Variants in NRXN1 observed in about 807,000 individuals in gnomAD.
The protein encoded by NRXN1 is neurexin-1.
NRXN1 carries 39 observed loss-of-function variants against 150.9 expected under a neutral mutation model. That is an observed-to-expected ratio of 0.26 (90% confidence interval 0.20 to 0.34). The LOEUF is 0.34. Ranked by LOEUF, NRXN1 falls within the 10% of genes least tolerant of loss-of-function variation. NRXN1 has a pLI of 1.00. For synonymous variants in NRXN1, 924 were observed against 757.0 expected (o/e 1.22, Z -3.62); for missense variants, 1,815 against 1,949.9 (o/e 0.93, Z 1.30).
chr2:50,754,998 T>C lies in NRXN1; in HGVS notation c.833-131383A>G, dbSNP rs188946260. Among the ~76,000 whole-genome samples, 13 of 151,958 alleles carry C rather than the reference T, an allele frequency of 8.6e-5. No individual in the cohort carries two copies. The East Asian group carries it at 2.5e-3, about 30-fold the overall frequency. ...TTGCACCAGTTAATGTTCACTAGTA[T>C]CTCCCATTGATGTAGATTAACCATT... On this transcript the variant is annotated intron_variant, in intron 5 of 22. Coordinates refer to ENST00000401669, the MANE Select transcript of NRXN1 (RefSeq NM_001330078.2).
At chr2:50,283,723 T>G (rs1170317252) in intron 17 of NRXN1, among the ~76,000 whole-genome samples, 1 of 152,118 alleles carries the variant, frequency 6.6e-6, no homozygotes, top group Non-Finnish European at 1.5e-5. Flanking sequence ...GTAACCAGGT[T>G]TTATGATTTA....
chr2:49,974,313 C>T (rs1389285119), intron 21 of NRXN1: 1 of 487,562 alleles, frequency 2.1e-6, no homozygotes. Context: ...ACAGCCCAGC[C>T]CGGCACCACT....
chr2:50,753,319 C>T (rs1487697133), intron 5 of NRXN1, among the ~76,000 whole-genome samples: 1 of 151,884 alleles, frequency 6.6e-6, no homozygotes, highest in Admixed American at 6.6e-5. Flanking sequence ...TGGAGAGGAA[C>T]AGGTTTTCAG....
At chr2:50,680,001 G>T (rs1403892571) in intron 5 of NRXN1, among the ~76,000 whole-genome samples, 1 of 151,700 alleles carries the variant, frequency 6.6e-6, no homozygotes, top group Non-Finnish European at 1.5e-5. Flanking sequence ...GCATAGTGGT[G>T]TGCGCCTGTA....
chr2:50,795,929 A>T (rs1159718066), intron 5 of NRXN1, among the ~76,000 whole-genome samples: 1 of 151,984 alleles, frequency 6.6e-6, no homozygotes, highest in Non-Finnish European at 1.5e-5. Context: ...TAATGTACTG[A>T]GTCAGGGGCT....
At chr2:50,022,053 G>A (rs1687654031) in intron 21 of NRXN1, among the ~76,000 whole-genome samples, 1 of 152,014 alleles carries the variant, frequency 6.6e-6, no homozygotes, top group Non-Finnish European at 1.5e-5. Context: ...ATTTCACCGT[G>A]TTAGCCAGGA....
At chr2:50,973,775 A>G (rs1695392741) in intron 2 of NRXN1, among the ~76,000 whole-genome samples, 1 of 152,146 alleles carries the variant, frequency 6.6e-6, no homozygotes, top group Non-Finnish European at 1.5e-5. Context: ...GTATCACAGA[A>G]GTTAATTTTT....
At chr2:50,831,686 T>C (rs1395321193) in intron 5 of NRXN1, among the ~76,000 whole-genome samples, 1 of 152,244 alleles carries the variant, frequency 6.6e-6, no homozygotes, top group Non-Finnish European at 1.5e-5. Context: ...TTTTAAAACA[T>C]GGACGTTACA....
At chr2:50,717,912 CA>C (rs1392377688) in intron 5 of NRXN1, among the ~76,000 whole-genome samples, 2 of 152,142 alleles carry the variant, frequency 1.3e-5, no homozygotes, top group Non-Finnish European at 2.9e-5. Context: ...ATGATCGAAT[CA>C]CCTACTAAAG....
At chr2:50,214,484 G>T (rs1297825138) in intron 18 of NRXN1, among the ~76,000 whole-genome samples, 1 of 151,808 alleles carries the variant, frequency 6.6e-6, no homozygotes, top group Non-Finnish European at 1.5e-5. Context: ...TTTTGTCCAG[G>T]TAGAGACTGA....
rs1345644196 is a variant in NRXN1, at chr2:50,055,016, A to G, written c.3747T>C (p.Ile1249=). The part of the protein sequence containing the change: ...AGNNDNERLA[I]ARQRIPYRLG... Reference sequence around the variant, plus strand: ...GTCGATATGGAATTCGCTGTCTAGCAATCGCCAGGCGCTCGTTATCATTGT... The same window carrying G: ...GTCGATATGGAATTCGCTGTCTAGCGATCGCCAGGCGCTCGTTATCATTGT... The change falls in exon 20 of 23, where the codon ATT becomes ATC. Residue 1249 remains isoleucine (I), a synonymous_variant. Transcript: ENST00000401669. 1 of 1,602,036 alleles carries G rather than the reference A, an allele frequency of 6.2e-7. No individual in the cohort carries two copies. The highest frequency in any genetic ancestry group is 8.5e-7 in the Non-Finnish European group (1 of 1,175,452).
At chr2:50,429,671 A>C (rs2104355176) in intron 17 of NRXN1, among the ~76,000 whole-genome samples, 1 of 152,306 alleles carries the variant, frequency 6.6e-6, no homozygotes, top group East Asian at 1.9e-4. Flanking sequence ...TTTTACAAAA[A>C]AATCCTACTG....
At chr2:50,104,646 T>C (rs1701404473) in intron 18 of NRXN1, among the ~76,000 whole-genome samples, 2 of 152,102 alleles carry the variant, frequency 1.3e-5, no homozygotes, top group South Asian at 4.2e-4. Context: ...TGAATATATA[T>C]GATTATTTTC....
At chr2:50,868,542 C>A (rs1336348809) in intron 5 of NRXN1, among the ~76,000 whole-genome samples, 1 of 151,302 alleles carries the variant, frequency 6.6e-6, no homozygotes, top group African/African-American at 2.4e-5. Flanking sequence ...CACTTGTGTT[C>A]CTTAAATTGA....
At chr2:50,706,020 AGAAC>A (rs1214927132) in intron 5 of NRXN1, among the ~76,000 whole-genome samples, 2 of 152,200 alleles carry the variant, frequency 1.3e-5, no homozygotes, top group Non-Finnish European at 2.9e-5. Flanking sequence ...GTAGACTAGT[AGAAC>A]AGTGATTCAC....
chr2:50,490,195 T>C (rs577619013), intron 15 of NRXN1, among the ~76,000 whole-genome samples: 1 of 152,244 alleles, frequency 6.6e-6, no homozygotes, highest in Non-Finnish European at 1.5e-5. Flanking sequence ...GTCTTTTCCC[T>C]GAACCTCGGC....
intron 5 of NRXN1, among the ~76,000 whole-genome samples, chr2:50,631,682 A>G (rs934429204): frequency 2.0e-5 from 3 of 151,972 alleles, no homozygotes; most frequent in Admixed American, 2.0e-4. Flanking sequence ...TGTGCAATTG[A>G]TTTGCATTTG....
At chr2:50,483,220 G>A (rs570486364) in intron 15 of NRXN1, among the ~76,000 whole-genome samples, 3 of 152,130 alleles carry the variant, frequency 2.0e-5, no homozygotes, top group African/African-American at 7.2e-5. Context: ...GTCAACGTCA[G>A]GATCAGAAAG....
chr2:50,178,710 C>A (rs1429311882), intron 18 of NRXN1, among the ~76,000 whole-genome samples: 1 of 152,072 alleles, frequency 6.6e-6, no homozygotes, highest in Non-Finnish European at 1.5e-5. Context: ...AGGTAAAACA[C>A]CTCATGTTAC....
Sources: allele counts gnomAD v4.1 joint callset (sites outside exome capture counted in the v4.1 genomes callset), GRCh38; gene constraint gnomAD v4.1.1; transcripts MANE v1.5; gene names NCBI Gene and HGNC (gene_info 2026-07-23, HGNC 2026-07-21).